CPSF3: variants seen among roughly 807,000 people sequenced by gnomAD.
The protein encoded by CPSF3 is cleavage and polyadenylation specific factor 3.
CPSF3 carries 57 observed loss-of-function variants against 84.1 expected under a neutral mutation model. That is an observed-to-expected ratio of 0.68 (90% CI 0.55 to 0.85). CPSF3 has a LOEUF of 0.85. Ranked by LOEUF, CPSF3 falls within the 40% of genes least tolerant of loss-of-function variation. The pLI is 0.00. For missense variants in CPSF3, 522 were observed against 838.8 expected (o/e 0.62, Z 4.66); for synonymous variants, 275 against 278.1 (o/e 0.99, Z 0.11).
intron 8 of CPSF3, among the ~76,000 whole-genome samples, chr2:9,441,315 G>T (rs1680953823): frequency 6.6e-6 from 1 of 152,190 alleles, no homozygotes; most frequent in African/African-American, 2.4e-5. Context: ...GTTGTAAATA[G>T]GCTTTGTTCA....
chr2:9,434,587 G>A (rs896696126), intron 6 of CPSF3, among the ~76,000 whole-genome samples: 12 of 152,004 alleles, frequency 7.9e-5, no homozygotes, highest in African/African-American at 2.9e-4. Context: ...AACATCTTAC[G>A]GGTCATTTTA....
At chr2:9,468,731 A>T (rs978636788) in intron 16 of CPSF3, among the ~76,000 whole-genome samples, 3 of 145,404 alleles carry the variant, frequency 2.1e-5, no homozygotes, top group African/African-American at 2.6e-5. Context: ...GGTTCAAGCG[A>T]TTCTCCTGCC....
chr2:9,452,972 T>C lies in CPSF3; in HGVS notation c.1455T>C (p.Leu485=). The change falls in exon 12 of 18, where the codon CTT becomes CTC. Residue 485 remains leucine (L), a synonymous_variant. Transcript: ENST00000238112. Reference sequence around the variant, plus strand: ...AAGGCCAGCGGGTCTCAGGAATACTTGTTAAAAGAAACTTTAATTATCACA... The same window carrying C: ...AAGGCCAGCGGGTCTCAGGAATACTCGTTAAAAGAAACTTTAATTATCACA... ...PEQGQRVSGI[L]VKRNFNYHIL... is the part of the protein sequence containing the mutation. 6.2e-7 allele frequency: 1 copy of C among 1,612,518 alleles called. No individual in the cohort carries two copies.
At chr2:9,443,792 C>T (rs1343074420) in intron 10 of CPSF3, 131 bp downstream of exon 10, 4 of 959,952 alleles carry the variant, frequency 4.2e-6, no homozygotes, top group Non-Finnish European at 1.5e-6. Flanking sequence ...GAGCCTTTCA[C>T]ATGCACTCGG....
chr2:9,465,868 T>C (rs970478232), intron 15 of CPSF3, among the ~76,000 whole-genome samples: 3 of 152,176 alleles, frequency 2.0e-5, no homozygotes, highest in Non-Finnish European at 4.4e-5. Flanking sequence ...TCCATATATA[T>C]GGGGTGTGTG....
intron 10 of CPSF3, 135 bp downstream of exon 10, chr2:9,443,796 C>T: frequency 1.2e-6 from 1 of 857,570 alleles, no homozygotes; most frequent in Non-Finnish European, 1.8e-6. Flanking sequence ...CTTTCACATG[C>T]ACTCGGATTT....
At chr2:9,466,258 GCACACAAAGACGCA>G (rs1681924774) in intron 15 of CPSF3, among the ~76,000 whole-genome samples, 1 of 86,562 alleles carries the variant, frequency 1.2e-5, no homozygotes, top group Non-Finnish European at 2.6e-5. Flanking sequence ...GCGCACACAC[GCACACAAAGACGCA>G]CGCACACACG....
chr2:9,435,566 G>T (rs1272581096), intron 6 of CPSF3, among the ~76,000 whole-genome samples: 1 of 149,188 alleles, frequency 6.7e-6, no homozygotes, highest in Non-Finnish European at 1.5e-5. Context: ...GGATTATAAG[G>T]CATGCGCCAC....
intron 11 of CPSF3, among the ~76,000 whole-genome samples, chr2:9,449,383 G>C (rs560708545): frequency 6.6e-6 from 1 of 152,020 alleles, no homozygotes; most frequent in African/African-American, 2.4e-5. Flanking sequence ...CTGCGATCGC[G>C]CCAATGCACT....
intron 8 of CPSF3, among the ~76,000 whole-genome samples, chr2:9,441,434 CA>C (rs1680957298): frequency 2.0e-5 from 3 of 152,192 alleles, no homozygotes; most frequent in Admixed American, 1.3e-4. Flanking sequence ...ATGGAGCATG[CA>C]AAGCTATTGT....
intron 16 of CPSF3, among the ~76,000 whole-genome samples, chr2:9,468,619 CTTTTTT>C (rs5829213): frequency 0.16 from 17,203 of 108,624 alleles, 1,472 homozygotes; most frequent in Middle Eastern, 0.26. Flanking sequence ...CTACACTGAC[CTTTTTT>C]TTTTTTTTTT....
intron 1 of CPSF3, among the ~76,000 whole-genome samples, chr2:9,427,756 TTGAG>T (rs980875506): frequency 5.9e-5 from 9 of 152,036 alleles, no homozygotes; most frequent in African/African-American, 2.2e-4. Context: ...CTGCTTAATG[TTGAG>T]TGAGTGAGTG....
At chr2:9,440,013 A>G (rs1243127679) in intron 7 of CPSF3, among the ~76,000 whole-genome samples, 1 of 146,956 alleles carries the variant, frequency 6.8e-6, no homozygotes, top group Non-Finnish European at 1.5e-5. Context: ...TAATATGACT[A>G]TACTTTTTTT....
intron 1 of CPSF3, chr2:9,424,103 C>G: frequency 8.3e-7 from 1 of 1,198,766 alleles, no homozygotes; most frequent in Non-Finnish European, 1.0e-6. Context: ...CGCTCGCTTT[C>G]GTACACGCTA....
chr2:9,441,135 A>G (rs1164002926), intron 8 of CPSF3, among the ~76,000 whole-genome samples: 2 of 152,210 alleles, frequency 1.3e-5, no homozygotes, highest in Admixed American at 6.5e-5. Flanking sequence ...CTCAAACCAA[A>G]TCATCTTTTT....
intron 10 of CPSF3, among the ~76,000 whole-genome samples, chr2:9,443,923 A>G (rs1431077931): frequency 1.3e-5 from 2 of 151,986 alleles, no homozygotes; most frequent in East Asian, 1.9e-4. Context: ...TGCCTCTCCA[A>G]TAATTTAAGA....
intron 16 of CPSF3, among the ~76,000 whole-genome samples, chr2:9,470,859 G>T (rs572627974): frequency 5.5e-4 from 84 of 152,202 alleles, no homozygotes; most frequent in Non-Finnish European, 1.0e-3. Flanking sequence ...ATAAAGCTGT[G>T]TATTTTCCCT....
Position 9,473,044 on chromosome 2 carries a change from A to G in CPSF3, c.*27A>G. On this transcript the variant is annotated 3_prime_UTR_variant, in exon 18 of 18. Transcript: ENST00000238112. ...ACTGTGCCTGTATATGAACTTTGAA[A>G]AAATACTTGACTCTACTTTTGTTAC... 1 of 1,503,642 alleles carries G rather than the reference A, an allele frequency of 6.7e-7. No homozygotes were observed. The allele number at this position is 1,503,642 out of a possible 1,614,324, so 93.1% of individuals were successfully genotyped here.
At chr2:9,433,189 C>A (rs1352176010) in intron 5 of CPSF3, among the ~76,000 whole-genome samples, 1 of 152,174 alleles carries the variant, frequency 6.6e-6, no homozygotes, top group African/African-American at 2.4e-5. Flanking sequence ...TTTCCAGACT[C>A]CAGAGCAGCC....
Sources: gnomAD v4.1 joint callset for allele counts (sites outside exome capture counted in the v4.1 genomes callset) on GRCh38, gnomAD v4.1.1 for gene constraint, MANE v1.5 for transcripts, NCBI Gene and HGNC (gene_info 2026-07-23, HGNC 2026-07-21) for gene names.